STK40: variants seen among roughly 807,000 people sequenced by gnomAD.
The protein encoded by STK40 is serine/threonine kinase 40.
In STK40, 13 loss-of-function variants were observed where a neutral mutation model predicts 47.9. The observed-to-expected ratio is 0.27, with a 90% CI of 0.18 to 0.43. The LOEUF (loss-of-function observed/expected upper bound fraction) is 0.43. Ranked by LOEUF, STK40 falls within the 20% of genes least tolerant of loss-of-function variation. The pLI, the probability that STK40 is intolerant of heterozygous loss-of-function variation, is 1.00. For missense variants in STK40, 460 were observed against 595.1 expected, an observed-to-expected ratio of 0.77 and a Z score of 2.36; for synonymous variants, 225 against 243.2, an observed-to-expected ratio of 0.93 and a Z score of 0.69.
At chr1:36,371,385 T>G (rs1646945314) in intron 1 of STK40, among the ~76,000 whole-genome samples, 1 of 149,472 alleles carries the variant, frequency 6.7e-6, no homozygotes, top group African/African-American at 2.5e-5. Flanking sequence ...AAACCCCGCT[T>G]CTACTAAAAA....
chr1:36,371,854 A>T (rs535497309), intron 1 of STK40, among the ~76,000 whole-genome samples: 2 of 151,518 alleles, frequency 1.3e-5, no homozygotes, highest in South Asian at 4.2e-4. Flanking sequence ...AAAAATTAGC[A>T]GGGCGTGGCA....
In STK40 at chr1:36,361,280, T is replaced by A. The variant is rs1646850189; in HGVS notation, c.53A>T (p.Lys18Met). 3 of 1,614,246 alleles carry A rather than the reference T, an allele frequency of 1.9e-6. No homozygotes were observed. Among genetic ancestry groups the A allele is most frequent in the Non-Finnish European group, 2.5e-6 (3 of 1,180,042 alleles). ...TCCAGAAATCCCACTTCCTAGAGCC[T>A]TGGCCCTGGCCGACGTTTCCCCAGC... ...RGAGETSARA[K>M]ALGSGISGNN... Residue 18 changes from lysine to methionine, a missense_variant, in exon 2 of 11, where the codon AAG becomes ATG. Around this residue, in one of 3 missense-constraint regions of STK40, gnomAD observed 277 missense variants for 358.7 expected, o/e 0.77. Coordinates refer to ENST00000373132, the MANE Select transcript of STK40 (RefSeq NM_001282547.2).
intron 7 of STK40, among the ~76,000 whole-genome samples, chr1:36,348,470 G>C (rs542625356): frequency 5.3e-5 from 8 of 152,270 alleles, no homozygotes; most frequent in African/African-American, 1.7e-4. Context: ...CAGCAATCCC[G>C]TTCCTCCCTA....
chr1:36,383,521 T>C (rs529828378), intron 1 of STK40, among the ~76,000 whole-genome samples: 8 of 152,292 alleles, frequency 5.3e-5, no homozygotes, highest in African/African-American at 1.9e-4. Context: ...CAGCACCAAC[T>C]CTCCTCTCTC....
Position 36,340,990 on chromosome 1 carries a change from T to A in STK40, c.*765A>T, listed in dbSNP as rs1370752004. The A allele has an allele frequency of 6.6e-6, 1 of 151,402 alleles. No homozygotes were observed. The highest frequency in any genetic ancestry group is 2.4e-5 in the African/African-American group (1 of 40,978). 9.4% of individuals were successfully genotyped at this position (151,402 alleles called of 1,614,324 possible). A position where few individuals can be genotyped will look rare whatever the true frequency, so the allele number is the denominator to read the frequency against. ...CTGAGACGGGAGAGAAAGAGCCAGG[T>A]CTAGAAAGGCCTCCCATCACCGGCA... is the stretch of plus-strand genomic sequence containing the variant. On this transcript the variant is annotated 3_prime_UTR_variant, in exon 11 of 11. Coordinates refer to ENST00000373132, the MANE Select transcript of STK40 (RefSeq NM_001282547.2).
rs758670412 is a variant in STK40 at position 36,344,179 on chromosome 1, G to A, written c.825C>T (p.Tyr275=). 21 of 1,612,922 alleles carry A rather than the reference G, an allele frequency of 1.3e-5. No individual in the cohort carries two copies. The highest frequency in any genetic ancestry group is 4.5e-5 in the East Asian group (2 of 44,838). Residue 275 remains tyrosine (Y), a synonymous_variant, in exon 8 of 11, where the codon TAC becomes TAT. Coordinates refer to ENST00000373132, the MANE Select transcript of STK40 (RefSeq NM_001282547.2). ...GGAAGAGCTCCTGCGGGATGCTGTC[G>A]TAGAAGGGGAACTGGCCATACAGCA... The part of the protein sequence containing the change: ...FTMLYGQFPF[Y]DSIPQELFRK...
In STK40 at chr1:36,343,442, G is replaced by C. The variant is rs1434579239; in HGVS notation, c.1011C>G (p.Ser337=). ...ALSAIIASWQ[S]LSSLSGPLQV... ...GCAAAGGCCCACTCAGAGATGACAG[G>C]GACTGCCTGCAGGGAGGCAGACAGG... The change falls in exon 10 of 11, where the codon TCC becomes TCG. Residue 337 remains serine (S), a synonymous_variant. Coordinates refer to ENST00000373132, the MANE Select transcript of STK40 (RefSeq NM_001282547.2). 2 of 1,612,980 alleles carry C rather than the reference G, an allele frequency of 1.2e-6. No individual in the cohort carries two copies. Among genetic ancestry groups the C allele is most frequent in the Non-Finnish European group, 1.7e-6 (2 of 1,179,476 alleles).
chr1:36,371,784 T>C (rs1646950441), intron 1 of STK40, among the ~76,000 whole-genome samples: 1 of 144,952 alleles, frequency 6.9e-6, no homozygotes, highest in Non-Finnish European at 1.5e-5. Context: ...TCACCTGAGG[T>C]CAGGAGTTCG....
At chr1:36,374,486 G>C (rs1646975360) in intron 1 of STK40, among the ~76,000 whole-genome samples, 1 of 152,226 alleles carries the variant, frequency 6.6e-6, no homozygotes, top group Admixed American at 6.5e-5. Flanking sequence ...TTCACCAGCA[G>C]TCACACTGAG....
At chr1:36,363,993 T>C (rs1231084693) in intron 1 of STK40, among the ~76,000 whole-genome samples, 2 of 146,142 alleles carry the variant, frequency 1.4e-5, no homozygotes, top group Non-Finnish European at 3.0e-5. Context: ...CTACTAAAAA[T>C]ACAAAAAATT....
At chr1:36,381,661 T>C (rs1647040499) in intron 1 of STK40, among the ~76,000 whole-genome samples, 1 of 152,118 alleles carries the variant, frequency 6.6e-6, no homozygotes, top group Non-Finnish European at 1.5e-5. Flanking sequence ...TTTTTCTTTT[T>C]TAATTTTTGT....
chr1:36,354,720 T>G (rs1030668321), intron 5 of STK40, among the ~76,000 whole-genome samples: 1 of 152,128 alleles, frequency 6.6e-6, no homozygotes, highest in Non-Finnish European at 1.5e-5. Flanking sequence ...CCATTAGACA[T>G]TCCATGGACA....
At chr1:36,354,590 C>T (rs1345164727) in intron 5 of STK40, among the ~76,000 whole-genome samples, 174 bp from the exon 6 acceptor site, 2 of 152,272 alleles carry the variant, frequency 1.3e-5, no homozygotes, top group Middle Eastern at 6.8e-3. Context: ...GCGTGACCTG[C>T]GCGTCTGGAT....
intron 1 of STK40, among the ~76,000 whole-genome samples, chr1:36,362,298 C>T (rs919794670): frequency 2.0e-5 from 3 of 152,176 alleles, no homozygotes; most frequent in Admixed American, 1.3e-4. Context: ...CAGATGTGTA[C>T]AGACGAGTTC....
At chr1:36,362,822 T>A (rs1290118629) in intron 1 of STK40, among the ~76,000 whole-genome samples, 1 of 152,240 alleles carries the variant, frequency 6.6e-6, no homozygotes, top group Non-Finnish European at 1.5e-5. Flanking sequence ...TGGACCACAC[T>A]GTAATGCTAT....
intron 1 of STK40, among the ~76,000 whole-genome samples, chr1:36,377,807 G>C (rs769345292): frequency 6.6e-6 from 1 of 152,142 alleles, no homozygotes; most frequent in Non-Finnish European, 1.5e-5. Flanking sequence ...ACTGGCTCAG[G>C]ATGCCTCTTT....
chr1:36,372,445 A>G lies in STK40; in HGVS notation c.-8-11105T>C, dbSNP rs375009351. Reference sequence around the variant, plus strand: ...TCTCAAAAAAAAAAAAAAAAAAAAAAAAAGAAAGAAAGAAAAAGAAAAAAG... The same window carrying G: ...TCTCAAAAAAAAAAAAAAAAAAAAAGAAAGAAAGAAAGAAAAAGAAAAAAG... On this transcript the variant is annotated intron_variant, in intron 1 of 10. Coordinates refer to ENST00000373132, the MANE Select transcript of STK40 (RefSeq NM_001282547.2). Among the ~76,000 whole-genome samples, 1,409 of 149,786 alleles carry G rather than the reference A, an allele frequency of 9.4e-3. 19 individuals carry two copies. Among genetic ancestry groups the G allele is most frequent in the African/African-American group, 0.029 (1,177 of 40,038 alleles).
intron 4 of STK40, among the ~76,000 whole-genome samples, chr1:36,356,249 G>T (rs971441165): frequency 1.1e-4 from 16 of 152,114 alleles, no homozygotes; most frequent in Non-Finnish European, 1.6e-4. Context: ...GGACACAATG[G>T]TAGCAAACTC....
intron 4 of STK40, among the ~76,000 whole-genome samples, chr1:36,355,661 G>A (rs1372684900): frequency 2.0e-5 from 3 of 152,204 alleles, no homozygotes; most frequent in East Asian, 1.9e-4. Context: ...AGAGGCTGAA[G>A]CTAAAACATC....
Sources: allele counts gnomAD v4.1 joint callset (sites outside exome capture counted in the v4.1 genomes callset), GRCh38; gene constraint gnomAD v4.1.1; regional missense constraint gnomAD v4.1.1; transcripts MANE v1.5; gene names NCBI Gene and HGNC (gene_info 2026-07-23, HGNC 2026-07-21).